The following MECR variants were observed in gnomAD, a reference collection of about 807,000 sequenced individuals.
MECR encodes mitochondrial trans-2-enoyl-CoA reductase, also known as enoyl-[acyl-carrier-protein] reductase, mitochondrial.
A neutral mutation model predicts 49.1 loss-of-function variants in MECR; 37 were observed. The observed-to-expected ratio is 0.75, with a 90% confidence interval of 0.58 to 0.99. The LOEUF (loss-of-function observed/expected upper bound fraction) is 0.99, where lower values mean the gene tolerates loss of function less well. MECR is among the 50% of genes least tolerant of loss of function. The pLI, the probability that MECR is intolerant of heterozygous loss-of-function variation, is 0.00. For missense variants in MECR, 470 were observed against 479.6 expected, an observed-to-expected ratio of 0.98 and a Z score of 0.19; for synonymous variants, 198 against 191.1, an observed-to-expected ratio of 1.04 and a Z score of -0.30.
At chr1:29,227,051 C>T (rs950980032) in intron 1 of MECR, among the ~76,000 whole-genome samples, 1 of 149,194 alleles carries the variant, frequency 6.7e-6, no homozygotes, top group Non-Finnish European at 1.5e-5. Flanking sequence ...GCAACCTCTG[C>T]CTCCTGGGTT....
At chr1:29,173,054 C>CT in the MECR span, 1 of 150,120 alleles carries the variant, frequency 6.7e-6, no homozygotes, top group Non-Finnish European at 1.5e-5. Flanking sequence ...CTTAATGATA[C>CT]TTTTCACTTT....
At chr1:29,230,709 C>T (rs781062016) in intron 1 of MECR, 22 bp downstream of exon 1, 1 of 1,557,956 alleles carries the variant, frequency 6.4e-7, no homozygotes, top group South Asian at 1.2e-5. Flanking sequence ...TCCCCTTCCC[C>T]GGCTTCGGCG....
chr1:29,196,379 G>A (rs1011166676), intron 7 of MECR, 121 bp from the exon 8 acceptor site: 2 of 889,212 alleles, frequency 2.2e-6, no homozygotes, highest in African/African-American at 1.7e-5. Flanking sequence ...CAGAATCTCT[G>A]GGAAAGGTTG....
At position 29,220,961 on chromosome 1, in the gene MECR, C is replaced by G. The variant is rs370248590; in HGVS notation, c.177-4276G>C. 37 of 975,838 alleles carry G rather than the reference C, an allele frequency of 3.8e-5. No individual in the cohort carries two copies. The East Asian group carries it at 8.0e-4, about 21-fold the overall frequency. 60.4% of individuals were successfully genotyped at this position (975,838 alleles called of 1,614,324 possible). On this transcript the variant is annotated intron_variant, in intron 1 of 9. Coordinates refer to ENST00000263702, the MANE Select transcript of MECR (RefSeq NM_016011.5). ...TGAGTCACTGAAAGGAAGACAGCAA[C>G]GTTTTGGAAAATTCAAGTAAACGTA...
the MECR span, among the ~76,000 whole-genome samples, chr1:29,182,141 G>A: frequency 1.3e-5 from 2 of 152,226 alleles, no homozygotes; most frequent in Admixed American, 6.5e-5. Context: ...TCCCCCGGAA[G>A]TGTCCGCACC....
At chr1:29,229,610 A>C (rs1427911902) in intron 1 of MECR, among the ~76,000 whole-genome samples, 1 of 152,218 alleles carries the variant, frequency 6.6e-6, no homozygotes, top group Non-Finnish European at 1.5e-5. Flanking sequence ...GTACTGCACA[A>C]GAGTATGCAG....
In MECR at chr1:29,193,809, A is replaced by G; in HGVS notation, c.*213T>C. ...GTGTTGGTCCTTCTCGACAGGGATGACTTCTACTTTTTGGAAGGGAGAGTT... is the reference window on the plus strand; with the variant it reads ...GTGTTGGTCCTTCTCGACAGGGATGGCTTCTACTTTTTGGAAGGGAGAGTT... On this transcript the variant is annotated 3_prime_UTR_variant, in exon 10 of 10. Coordinates refer to ENST00000263702, the MANE Select transcript of MECR (RefSeq NM_016011.5). 1.7e-6 allele frequency: 1 copy of G among 580,944 alleles called. No individual in the cohort carries two copies. Among genetic ancestry groups the G allele is most frequent in the Non-Finnish European group, 3.0e-6 (1 of 329,620 alleles). The allele number at this position is 580,944 out of a possible 1,614,324, so 36.0% of individuals were successfully genotyped here. A position where few individuals can be genotyped will look rare whatever the true frequency, so the allele number is the denominator to read the frequency against.
intron 3 of MECR, among the ~76,000 whole-genome samples, 178 bp downstream of exon 3, chr1:29,215,827 C>T (rs866911567): frequency 9.9e-5 from 15 of 152,088 alleles, no homozygotes; most frequent in Admixed American, 4.6e-4. Flanking sequence ...GCTGAGATCG[C>T]GCCATTGCAC....
At chr1:29,222,298 C>T (rs1680967513) in intron 1 of MECR, among the ~76,000 whole-genome samples, 1 of 152,060 alleles carries the variant, frequency 6.6e-6, no homozygotes, top group South Asian at 2.1e-4. Flanking sequence ...AGGGTTTTAT[C>T]ATGTTGGTCA....
the MECR span, chr1:29,172,182 T>C: frequency 6.6e-6 from 1 of 152,232 alleles, no homozygotes; most frequent in Admixed American, 6.5e-5. Context: ...AATAGTTATA[T>C]TACTAATAAA....
intron 3 of MECR, among the ~76,000 whole-genome samples, chr1:29,214,182 T>C (rs559039305): frequency 2.0e-5 from 3 of 148,478 alleles, no homozygotes; most frequent in African/African-American, 7.5e-5. Context: ...CTGCCTCAAC[T>C]TCCCGAGTAG....
chr1:29,202,194 C>T (rs1675488335), intron 5 of MECR, 149 bp from the exon 6 acceptor site: 1 of 674,318 alleles, frequency 1.5e-6, no homozygotes, highest in Admixed American at 2.6e-5. Flanking sequence ...AGGGACCAGC[C>T]ACCTAATTTC....
chr1:29,188,601 G>A (rs932638831), downstream of MECR, among the ~76,000 whole-genome samples: 26 of 151,982 alleles, frequency 1.7e-4, no homozygotes, highest in Non-Finnish European at 3.5e-4. Context: ...AAGCTGCAGG[G>A]CTTCAGGTGC....
intron 3 of MECR, among the ~76,000 whole-genome samples, chr1:29,214,637 A>G (rs1441837589): frequency 6.6e-6 from 1 of 152,126 alleles, no homozygotes; most frequent in Non-Finnish European, 1.5e-5. Flanking sequence ...CTGGGATTAC[A>G]GGCGTGAGCC....
At chr1:29,183,880 CTT>C in the MECR span, among the ~76,000 whole-genome samples, 140 of 125,692 alleles carry the variant, frequency 1.1e-3, no homozygotes, top group African/African-American at 3.3e-3. Context: ...ATTTATTCTA[CTT>C]TTTTTTTTTT....
chr1:29,181,958 G>C, the MECR span: 2 of 399,946 alleles, frequency 5.0e-6, no homozygotes, highest in Non-Finnish European at 8.7e-6. Context: ...AAGGTAACCG[G>C]AGAGAGCGCG....
chr1:29,189,393 G>A (rs1673080278), downstream of MECR, among the ~76,000 whole-genome samples: 1 of 129,740 alleles, frequency 7.7e-6, no homozygotes. Flanking sequence ...TGTAGAGATG[G>A]GTTGGGGGGG....
chr1:29,173,796 C>A, the MECR span, among the ~76,000 whole-genome samples: 1 of 151,792 alleles, frequency 6.6e-6, no homozygotes, highest in Non-Finnish European at 1.5e-5. Flanking sequence ...AATAGACAAG[C>A]CTTAAAGGCT....
In MECR at chr1:29,200,502, C is replaced by T. The variant is rs369359563; in HGVS notation, c.830+14G>A. 21 of 1,610,744 alleles carry T rather than the reference C, an allele frequency of 1.3e-5. No individual in the cohort carries two copies. The highest frequency in any genetic ancestry group is 4.0e-5 in the African/African-American group (3 of 74,878). Reference sequence around the variant, plus strand: ...AGCTCTGGCGAGCTGGACCTGCAGGCCCAAGGGACTTACGCTAACTGCCGC... The same window carrying T: ...AGCTCTGGCGAGCTGGACCTGCAGGTCCAAGGGACTTACGCTAACTGCCGC... On this transcript the variant is annotated intron_variant, in intron 7 of 9. Transcript: ENST00000263702.
Sources: allele counts gnomAD v4.1 joint callset (sites outside exome capture counted in the v4.1 genomes callset), GRCh38; gene constraint gnomAD v4.1.1; transcripts MANE v1.5; gene names NCBI Gene and HGNC (gene_info 2026-07-23, HGNC 2026-07-21).